The following ROR1 variants were observed in gnomAD, a reference collection of about 807,000 sequenced individuals.
The protein encoded by ROR1 is inactive tyrosine-protein kinase transmembrane receptor ROR1.
ROR1 carries 19 observed loss-of-function variants against 78.8 expected under a neutral mutation model. The ratio of observed to expected loss-of-function variants is 0.24; its 90% CI spans 0.17 to 0.35. The LOEUF (loss-of-function observed/expected upper bound fraction) is 0.35, where lower values mean the gene tolerates loss of function less well. Among genes scored for constraint, ROR1 ranks in the 10% least tolerant of loss-of-function variants. The pLI, the probability that ROR1 is intolerant of heterozygous loss-of-function variation, is 1.00. For synonymous variants in ROR1, 386 were observed against 433.6 expected, an observed-to-expected ratio of 0.89 and a Z score of 1.36; for missense variants, 917 against 1,177.8, an observed-to-expected ratio of 0.78 and a Z score of 3.24.
rs188998630 is a variant in ROR1, at chr1:64,039,158, T to C, written c.164-10533T>C. ...GGTCAAGTCAGCAGATTCTTTTAAA[T>C]TTTGAAATACAGATCTTGCATAATG... On this transcript the variant is annotated intron_variant, in intron 2 of 8. Coordinates refer to ENST00000371079, the MANE Select transcript of ROR1 (RefSeq NM_005012.4). 1.3e-3 allele frequency among the ~76,000 whole-genome samples: 199 copies of C among 152,306 alleles called. 1 individual carries two copies. Among genetic ancestry groups the C allele is most frequent in the Non-Finnish European group, 2.6e-4 (18 of 68,030 alleles).
intron 1 of ROR1, among the ~76,000 whole-genome samples, chr1:63,778,157 T>C (rs1430718756): frequency 6.6e-6 from 1 of 152,146 alleles, no homozygotes; most frequent in African/African-American, 2.4e-5. Flanking sequence ...TGTTATGAGA[T>C]TGAAGTGAGG....
In ROR1 at chr1:64,078,807, A is replaced by G. The variant is rs186205413; in HGVS notation, c.482+28091A>G. On this transcript the variant is annotated intron_variant, in intron 4 of 8. Coordinates refer to ENST00000371079, the MANE Select transcript of ROR1 (RefSeq NM_005012.4). ...CATGACGCCTGATGTCTCTGAGGTT[A>G]AAGGCAAGTCCAACAAGGAGAGTGA... Among the ~76,000 whole-genome samples, 795 of 152,312 alleles carry G rather than the reference A, an allele frequency of 5.2e-3. 24 individuals carry two copies. Among genetic ancestry groups the G allele is most frequent in the Admixed American group, 0.049 (743 of 15,300 alleles).
intron 4 of ROR1, among the ~76,000 whole-genome samples, chr1:64,052,244 T>A (rs1447362806): frequency 6.6e-6 from 1 of 151,794 alleles, no homozygotes; most frequent in Non-Finnish European, 1.5e-5. Context: ...CCTTTTGAAG[T>A]CTTAGTTAAA....
chr1:63,912,873 T>G (rs1645582501), intron 1 of ROR1, among the ~76,000 whole-genome samples: 1 of 152,176 alleles, frequency 6.6e-6, no homozygotes, highest in African/African-American at 2.4e-5. Context: ...ATCCTTTATC[T>G]TAGTTGGGAT....
intron 4 of ROR1, among the ~76,000 whole-genome samples, chr1:64,103,308 A>C (rs1647644425): frequency 1.3e-5 from 2 of 151,222 alleles, no homozygotes; most frequent in East Asian, 1.9e-4. Context: ...TTAAAGTATA[A>C]TAATAATAAA....
At chr1:64,079,470 A>ATTTTTTTTTTTTTTT (rs71056020) in intron 4 of ROR1, among the ~76,000 whole-genome samples, 1 of 146,280 alleles carries the variant, frequency 6.8e-6, no homozygotes. Flanking sequence ...CTTGATTGGG[A>ATTTTTTTTTTTTTTT]TTTTTTTTTT....
intron 1 of ROR1, among the ~76,000 whole-genome samples, chr1:63,995,218 TA>T (rs1646327559): frequency 6.6e-6 from 1 of 152,102 alleles, no homozygotes; most frequent in Non-Finnish European, 1.5e-5. Context: ...CATGGAAAAT[TA>T]TTTTTTTTTC....
intron 1 of ROR1, among the ~76,000 whole-genome samples, chr1:63,780,065 G>A (rs1182762214): frequency 1.3e-5 from 2 of 152,166 alleles, no homozygotes; most frequent in Non-Finnish European, 2.9e-5. Flanking sequence ...ATAAGGTTTT[G>A]TACAGTCTTG....
At chr1:63,793,358 A>G (rs1644738359) in intron 1 of ROR1, among the ~76,000 whole-genome samples, 1 of 152,246 alleles carries the variant, frequency 6.6e-6, no homozygotes, top group Admixed American at 6.5e-5. Flanking sequence ...GTTAATAATA[A>G]TCTATTATAT....
At chr1:64,079,366 A>G (rs1319973269) in intron 4 of ROR1, among the ~76,000 whole-genome samples, 2 of 152,146 alleles carry the variant, frequency 1.3e-5, no homozygotes, top group Non-Finnish European at 2.9e-5. Flanking sequence ...TTTAATACTA[A>G]CATATCATAG....
chr1:63,890,635 G>A (rs953573377), intron 1 of ROR1, among the ~76,000 whole-genome samples: 1 of 152,002 alleles, frequency 6.6e-6, no homozygotes, highest in Non-Finnish European at 1.5e-5. Flanking sequence ...GATCTAGAAG[G>A]ATGAGGGGGA....
At chr1:63,989,563 A>T (rs1431328042) in intron 1 of ROR1, among the ~76,000 whole-genome samples, 1 of 151,994 alleles carries the variant, frequency 6.6e-6, no homozygotes, top group African/African-American at 2.4e-5. Flanking sequence ...ATCATTCCTG[A>T]CTCTGCTCTT....
At chr1:63,806,819 T>G (rs1243072349) in intron 1 of ROR1, among the ~76,000 whole-genome samples, 1 of 152,216 alleles carries the variant, frequency 6.6e-6, no homozygotes. Flanking sequence ...CTTGTTACTG[T>G]ATTGCTTGTT....
chr1:63,874,158 A>T (rs1240074603), intron 1 of ROR1, among the ~76,000 whole-genome samples: 1 of 152,182 alleles, frequency 6.6e-6, no homozygotes, highest in Non-Finnish European at 1.5e-5. Context: ...GGAACTTGAG[A>T]TAAAGGAAAT....
At chr1:63,917,395 G>T (rs1645617211) in intron 1 of ROR1, among the ~76,000 whole-genome samples, 1 of 151,988 alleles carries the variant, frequency 6.6e-6, no homozygotes, top group African/African-American at 2.4e-5. Flanking sequence ...CCAAAGAAAA[G>T]CCACTTTCCA....
At chr1:64,144,584 T>G (rs1363855661) in intron 7 of ROR1, among the ~76,000 whole-genome samples, 1 of 152,212 alleles carries the variant, frequency 6.6e-6, no homozygotes, top group Non-Finnish European at 1.5e-5. Context: ...CTCTGTCACC[T>G]CATTCAATCT....
intron 1 of ROR1, among the ~76,000 whole-genome samples, chr1:63,853,305 A>G (rs1164267707): frequency 6.6e-6 from 1 of 152,204 alleles, no homozygotes; most frequent in East Asian, 1.9e-4. Flanking sequence ...AGTAAGTACT[A>G]TTGTTAGCCT....
At chr1:64,171,467 C>A (rs1169020453) in intron 8 of ROR1, among the ~76,000 whole-genome samples, 1 of 152,166 alleles carries the variant, frequency 6.6e-6, no homozygotes, top group African/African-American at 2.4e-5. Flanking sequence ...GGGACACAGC[C>A]AAACCATATC....
chr1:63,883,849 G>T (rs985243832), intron 1 of ROR1, among the ~76,000 whole-genome samples: 1 of 152,190 alleles, frequency 6.6e-6, no homozygotes, highest in African/African-American at 2.4e-5. Context: ...TTCCTCCAGA[G>T]GGATGGGCAG....
Sources: allele counts gnomAD v4.1 joint callset (sites outside exome capture counted in the v4.1 genomes callset), GRCh38; gene constraint gnomAD v4.1.1; transcripts MANE v1.5; gene names NCBI Gene and HGNC (gene_info 2026-07-23, HGNC 2026-07-21).